Variants in PDLIM5 observed in about 807,000 individuals in gnomAD.
PDLIM5 encodes the protein PDZ and LIM domain protein 5.
PDLIM5 carries 34 observed loss-of-function variants against 64.2 expected under a neutral mutation model. That is an observed-to-expected ratio of 0.53 (90% CI 0.40 to 0.71). The LOEUF (loss-of-function observed/expected upper bound fraction) is 0.71, where lower values mean the gene tolerates loss of function less well. Ranked by LOEUF, PDLIM5 falls within the 30% of genes least tolerant of loss-of-function variation. The pLI is 0.00. For missense variants in PDLIM5, 683 were observed against 733.6 expected (o/e 0.93, Z 0.80); for synonymous variants, 253 against 269.1 (o/e 0.94, Z 0.59).
At chr4:94,598,670 A>G (rs141689909) in intron 7 of PDLIM5, among the ~76,000 whole-genome samples, 44 of 152,258 alleles carry the variant, frequency 2.9e-4, no homozygotes, top group African/African-American at 9.9e-4. Flanking sequence ...AGATGCTATT[A>G]TGAACTTAGT....
chr4:94,498,418 C>T (rs1727598591), intron 2 of PDLIM5, among the ~76,000 whole-genome samples: 1 of 152,196 alleles, frequency 6.6e-6, no homozygotes, highest in African/African-American at 2.4e-5. Flanking sequence ...GCCTAGCTAA[C>T]ACTTGGACTT....
chr4:94,641,737 C>T (rs990583457), intron 9 of PDLIM5, among the ~76,000 whole-genome samples: 6 of 152,110 alleles, frequency 3.9e-5, no homozygotes, highest in Non-Finnish European at 8.8e-5. Context: ...AGAGTGAGCA[C>T]CTGCTTAGTA....
intron 8 of PDLIM5, among the ~76,000 whole-genome samples, chr4:94,629,076 C>T (rs909555481): frequency 1.6e-4 from 24 of 152,150 alleles, no homozygotes; most frequent in Non-Finnish European, 3.4e-4. Flanking sequence ...CTGGGCCAGG[C>T]ACAGTGGCCC....
chr4:94,643,681 A>G (rs139287314), intron 9 of PDLIM5, among the ~76,000 whole-genome samples: 213 of 152,280 alleles, frequency 1.4e-3, no homozygotes, highest in Middle Eastern at 6.8e-3. Context: ...CCACATTACT[A>G]TTGTTTTGCC....
At chr4:94,460,827 T>C (rs1399816034) in intron 2 of PDLIM5, among the ~76,000 whole-genome samples, 1 of 152,214 alleles carries the variant, frequency 6.6e-6, no homozygotes, top group Non-Finnish European at 1.5e-5. Context: ...AATTTGAGCT[T>C]CTGATTTTCT....
At chr4:94,491,215 G>T (rs1401692109) in intron 2 of PDLIM5, among the ~76,000 whole-genome samples, 1 of 152,124 alleles carries the variant, frequency 6.6e-6, no homozygotes, top group African/African-American at 2.4e-5. Flanking sequence ...GATTTAACTG[G>T]CACCTAGCAT....
intron 3 of PDLIM5, among the ~76,000 whole-genome samples, chr4:94,529,038 AG>A (rs975349993): frequency 3.9e-5 from 6 of 152,356 alleles, no homozygotes; most frequent in African/African-American, 1.2e-4. Context: ...GAGAGGTAGC[AG>A]GAAGGGAGTA....
At chr4:94,517,044 A>G (rs1354945375) in intron 2 of PDLIM5, among the ~76,000 whole-genome samples, 1 of 152,200 alleles carries the variant, frequency 6.6e-6, no homozygotes, top group Non-Finnish European at 1.5e-5. Context: ...TAGGATTTGA[A>G]AAAAGCTTTA....
At chr4:94,592,599 G>A (rs1304503638) in intron 7 of PDLIM5, among the ~76,000 whole-genome samples, 1 of 152,106 alleles carries the variant, frequency 6.6e-6, no homozygotes, top group African/African-American at 2.4e-5. Flanking sequence ...TGCATTGAGT[G>A]TAAATATTCC....
intron 7 of PDLIM5, among the ~76,000 whole-genome samples, chr4:94,592,469 G>A (rs1736739730): frequency 6.6e-6 from 1 of 152,154 alleles, no homozygotes; most frequent in South Asian, 2.1e-4. Flanking sequence ...GAAATGTGTA[G>A]GCTAATGTAC....
Position 94,523,740 on chromosome 4 carries a change from A to G in PDLIM5, c.113A>G (p.Lys38Arg), listed in dbSNP as rs1482854038. ...TTATTACAGCTAAAAGATGGCGGCA[A>G]GGCAGCCCAGGCAAATGTAAGAATA... is the stretch of plus-strand genomic sequence containing the variant. ...LTISSLKDGGKAAQANVRIGD... is the reference protein window; with the variant it reads ...LTISSLKDGGRAAQANVRIGD... The change falls in exon 3 of 13, where the codon AAG becomes AGG. Residue 38 changes from lysine to arginine, a missense_variant. Transcript: ENST00000317968. 6.2e-7 allele frequency: 1 copy of G among 1,612,942 alleles called. No individual in the cohort carries two copies.
At chr4:94,462,187 A>G (rs1171814552) in intron 2 of PDLIM5, among the ~76,000 whole-genome samples, 1 of 152,108 alleles carries the variant, frequency 6.6e-6, no homozygotes, top group Non-Finnish European at 1.5e-5. Flanking sequence ...TAAGACATTC[A>G]TATGGTTCAA....
In PDLIM5 at chr4:94,574,727, TTAAA is replaced by T. The variant is rs148965209; in HGVS notation, c.292-886_292-883del. ...AAGCTTAGTCTGATTTTGTTTAACTTTAAATATGCTTTGGAATAAGGATTGGCAA... is the reference window on the plus strand; with the variant it reads ...AAGCTTAGTCTGATTTTGTTTAACTTTATGCTTTGGAATAAGGATTGGCAA... On this transcript the variant is annotated intron_variant, in intron 4 of 12. Transcript: ENST00000317968. Among the ~76,000 whole-genome samples the T allele has an allele frequency of 4.5e-3, 685 of 152,264 alleles. 4 individuals are homozygous for T. The highest frequency in any genetic ancestry group is 0.02 in the Middle Eastern group (6 of 294).
chr4:94,646,918 T>A (rs1408804448), intron 9 of PDLIM5, among the ~76,000 whole-genome samples: 1 of 152,164 alleles, frequency 6.6e-6, no homozygotes, highest in African/African-American at 2.4e-5. Context: ...CCTGGGTATA[T>A]TCTTAATAGT....
intron 2 of PDLIM5, among the ~76,000 whole-genome samples, chr4:94,482,259 T>C (rs1347557968): frequency 6.6e-6 from 1 of 152,100 alleles, no homozygotes; most frequent in Admixed American, 6.5e-5. Flanking sequence ...GGCCTTGAAC[T>C]CCTGGGGCTC....
chr4:94,543,411 G>A (rs1467629087), intron 3 of PDLIM5, among the ~76,000 whole-genome samples: 1 of 152,060 alleles, frequency 6.6e-6, no homozygotes, highest in African/African-American at 2.4e-5. Flanking sequence ...ATTAACATAT[G>A]TATTATCCCA....
Position 94,586,240 on chromosome 4 carries a change from G to A in PDLIM5, c.884-168G>A, listed in dbSNP as rs557135889. On this transcript the variant is annotated intron_variant, in intron 6 of 12. Transcript: ENST00000317968. ...AACATTGAAAAGTATAGATGTAATA[G>A]TAGTTGTACTAACTATAGTTTATGG... Among the ~76,000 whole-genome samples, 20 of 152,272 alleles carry A rather than the reference G, an allele frequency of 1.3e-4. No homozygotes were observed. In the South Asian group the frequency reaches 3.5e-3, roughly 27 times the overall value.
intron 3 of PDLIM5, among the ~76,000 whole-genome samples, chr4:94,550,219 C>G (rs1220727824): frequency 6.6e-6 from 1 of 152,082 alleles, no homozygotes; most frequent in Non-Finnish European, 1.5e-5. Context: ...ATATTCTTCT[C>G]TTAAGCTATG....
chr4:94,591,808 A>G (rs1736697584), intron 7 of PDLIM5, among the ~76,000 whole-genome samples: 1 of 152,230 alleles, frequency 6.6e-6, no homozygotes. Flanking sequence ...ACATTTCTTA[A>G]TAAGCATCCT....
Sources: allele counts gnomAD v4.1 joint callset (sites outside exome capture counted in the v4.1 genomes callset), GRCh38; gene constraint gnomAD v4.1.1; transcripts MANE v1.5; gene names NCBI Gene and HGNC (gene_info 2026-07-23, HGNC 2026-07-21).